PIP4K2A: variants seen among roughly 807,000 people sequenced by gnomAD.
PIP4K2A encodes phosphatidylinositol 5-phosphate 4-kinase type-2 alpha.
PIP4K2A carries 14 observed loss-of-function variants against 42.9 expected under a neutral mutation model. The ratio of observed to expected loss-of-function variants is 0.33; its 90% CI spans 0.22 to 0.51. PIP4K2A has a LOEUF of 0.51. Among genes scored for constraint, PIP4K2A ranks in the 20% least tolerant of loss-of-function variants. The probability of loss-of-function intolerance (pLI) is 0.97; values close to 1 mark genes in which losing one functional copy is unlikely to be tolerated. For synonymous variants in PIP4K2A, 192 were observed against 192.2 expected (o/e 1.00, Z 0.01); for missense variants, 434 against 519.8 (o/e 0.83, Z 1.61).
intron 1 of PIP4K2A, among the ~76,000 whole-genome samples, chr10:22,627,591 T>TTAA (rs1838469308): frequency 2.6e-4 from 15 of 57,032 alleles, no homozygotes; most frequent in Admixed American, 5.9e-4. Context: ...TAATATGTAA[T>TTAA]AAAAAAAAAA....
chr10:22,548,375 T>C (rs1836306773), intron 7 of PIP4K2A, among the ~76,000 whole-genome samples: 1 of 152,218 alleles, frequency 6.6e-6, no homozygotes, highest in Non-Finnish European at 1.5e-5. Context: ...CTTCTGTAAT[T>C]CAACTGTAAA....
intron 1 of PIP4K2A, among the ~76,000 whole-genome samples, chr10:22,636,049 G>A (rs1240920191): frequency 3.3e-5 from 5 of 152,150 alleles, no homozygotes; most frequent in East Asian, 3.9e-4. Flanking sequence ...TAGGAAAAGC[G>A]TAGCTATAGG....
In PIP4K2A at chr10:22,536,074, A is replaced by AAGAT. The variant is rs1211959807; in HGVS notation, c.*1123_*1126dup. 2.5e-6 allele frequency: 1 copy of AAGAT among 398,434 alleles called. No homozygotes were observed. The highest frequency in any genetic ancestry group is 4.4e-6 in the Non-Finnish European group (1 of 226,034). The allele number at this position is 398,434 out of a possible 1,614,324, so 24.7% of individuals were successfully genotyped here. ...CTGTACATCAAATTTTTAGATTCAA[A>AAGAT]AGATATCCCTGTTTTCCTAATAATG... On this transcript the variant is annotated 3_prime_UTR_variant, in exon 10 of 10. Coordinates refer to ENST00000376573, the MANE Select transcript of PIP4K2A (RefSeq NM_005028.5).
chr10:22,607,458 G>C (rs1432619166), intron 3 of PIP4K2A, among the ~76,000 whole-genome samples: 1 of 152,136 alleles, frequency 6.6e-6, no homozygotes, highest in Non-Finnish European at 1.5e-5. Flanking sequence ...TGCACAAAGG[G>C]TGCCCTTTGA....
At chr10:22,614,991 A>G (rs543444040) in intron 1 of PIP4K2A, among the ~76,000 whole-genome samples, 8 of 152,346 alleles carry the variant, frequency 5.3e-5, no homozygotes, top group Non-Finnish European at 1.2e-4. Context: ...CTTGGGTTTC[A>G]AAGTCTCCAG....
chr10:22,653,038 G>A (rs1442475569), intron 1 of PIP4K2A, among the ~76,000 whole-genome samples: 1 of 152,074 alleles, frequency 6.6e-6, no homozygotes, highest in African/African-American at 2.4e-5. Context: ...AGGTTGCAGT[G>A]AGCTATGATG....
chr10:22,554,804 C>A (rs983809718), intron 6 of PIP4K2A, among the ~76,000 whole-genome samples: 2 of 152,220 alleles, frequency 1.3e-5, no homozygotes, highest in African/African-American at 4.8e-5. Flanking sequence ...CTCTTCCCCA[C>A]CCCGTCCTCC....
chr10:22,552,383 C>T lies in PIP4K2A; in HGVS notation c.679-1611G>A, dbSNP rs148932763. On this transcript the variant is annotated intron_variant, in intron 6 of 9. Coordinates refer to ENST00000376573, the MANE Select transcript of PIP4K2A (RefSeq NM_005028.5). ...GAGTCTTTAAGAAATGAGAATGCAA[C>T]GCCATTCTTCACAAAATGTCAGGAT... 3.4e-3 allele frequency among the ~76,000 whole-genome samples: 519 copies of T among 152,292 alleles called. 4 individuals are homozygous for T. Among genetic ancestry groups the T allele is most frequent in the African/African-American group, 0.011 (470 of 41,556 alleles).
intron 1 of PIP4K2A, among the ~76,000 whole-genome samples, chr10:22,616,408 T>C (rs548550877): frequency 1.3e-5 from 2 of 152,266 alleles, no homozygotes; most frequent in South Asian, 2.1e-4. Context: ...GCTATTATCA[T>C]GCCCATTACA....
At chr10:22,688,198 G>A (rs1564468063) in intron 1 of PIP4K2A, among the ~76,000 whole-genome samples, 1 of 152,020 alleles carries the variant, frequency 6.6e-6, no homozygotes, top group Non-Finnish European at 1.5e-5. Context: ...TTTTAAAGAA[G>A]AAAATTTTCT....
intron 3 of PIP4K2A, among the ~76,000 whole-genome samples, chr10:22,598,059 T>A (rs1837672349): frequency 6.6e-6 from 1 of 152,190 alleles, no homozygotes; most frequent in Admixed American, 6.5e-5. Context: ...GTGACATTAT[T>A]TAAATTCAAA....
At chr10:22,566,538 C>T (rs1448493353) in intron 6 of PIP4K2A, among the ~76,000 whole-genome samples, 3 of 152,140 alleles carry the variant, frequency 2.0e-5, no homozygotes, top group Non-Finnish European at 4.4e-5. Flanking sequence ...TCCCAAATCT[C>T]TCTGTAATTC....
chr10:22,600,031 G>A (rs1027492774), intron 3 of PIP4K2A, among the ~76,000 whole-genome samples: 1 of 152,122 alleles, frequency 6.6e-6, no homozygotes, highest in African/African-American at 2.4e-5. Context: ...AAGGGGGAAG[G>A]AAACATAAAT....
chr10:22,674,467 C>CAAAGTT (rs1839517069), intron 1 of PIP4K2A, among the ~76,000 whole-genome samples: 1 of 148,324 alleles, frequency 6.7e-6, no homozygotes, highest in South Asian at 2.2e-4. Context: ...TTCTCCTACT[C>CAAAGTT]AAAGTTAATT....
chr10:22,640,770 T>C (rs970408424), intron 1 of PIP4K2A, among the ~76,000 whole-genome samples: 2 of 152,150 alleles, frequency 1.3e-5, no homozygotes, highest in Non-Finnish European at 2.9e-5. Flanking sequence ...AGTTTTGTAT[T>C]CCCTAATGCA....
At chr10:22,664,505 A>G (rs1839312338) in intron 1 of PIP4K2A, among the ~76,000 whole-genome samples, 1 of 150,854 alleles carries the variant, frequency 6.6e-6, no homozygotes, top group South Asian at 2.1e-4. Context: ...TATGCTTGCC[A>G]ATTTTTCTCC....
intron 1 of PIP4K2A, among the ~76,000 whole-genome samples, chr10:22,629,863 G>GC (rs1838514442): frequency 6.6e-6 from 1 of 152,162 alleles, no homozygotes; most frequent in Non-Finnish European, 1.5e-5. Context: ...GAAGGAGTGA[G>GC]CAGGGGAGCC....
chr10:22,693,712 C>T (rs181959908), intron 1 of PIP4K2A, among the ~76,000 whole-genome samples: 2 of 152,116 alleles, frequency 1.3e-5, no homozygotes, highest in Non-Finnish European at 2.9e-5. Flanking sequence ...ACACACCCAG[C>T]CTGGTGCTGC....
chr10:22,541,684 T>G (rs1749217329), intron 8 of PIP4K2A, 120 bp downstream of exon 8: 1 of 1,153,054 alleles, frequency 8.7e-7, no homozygotes, highest in Non-Finnish European at 1.2e-6. Flanking sequence ...TTCTTTGGAG[T>G]TTGGAGGATG....
Sources: allele counts gnomAD v4.1 joint callset (sites outside exome capture counted in the v4.1 genomes callset), GRCh38; gene constraint gnomAD v4.1.1; transcripts MANE v1.5; gene names NCBI Gene and HGNC (gene_info 2026-07-23, HGNC 2026-07-21).